USP28: variants seen among roughly 807,000 people sequenced by gnomAD.
USP28 encodes the protein ubiquitin carboxyl-terminal hydrolase 28.
In USP28, 113 loss-of-function variants were observed where a neutral mutation model predicts 145.0. The observed-to-expected ratio is 0.78, with a 90% CI of 0.67 to 0.91. USP28 has a LOEUF of 0.91. Among genes scored for constraint, USP28 ranks in the 40% least tolerant of loss-of-function variants. USP28 has a pLI of 0.00. For missense variants in USP28, 1,201 were observed against 1,289.6 expected, an observed-to-expected ratio of 0.93 and a Z score of 1.05; for synonymous variants, 447 against 450.9, an observed-to-expected ratio of 0.99 and a Z score of 0.11.
At chr11:113,801,561 CATT>C in exon 24 of USP28, 1 of 1,610,076 alleles carries the variant, frequency 6.2e-7, no homozygotes, top group Non-Finnish European at 8.5e-7. Context: ...TTGGAAATGT[CATT>C]ATTAATGATA....
chr11:113,814,106 C>T, intron 14 of USP28, 151 bp from the exon 15 acceptor site: 2 of 560,180 alleles, frequency 3.6e-6, no homozygotes, highest in Non-Finnish European at 6.1e-6. Flanking sequence ...TTTAAAGCAG[C>T]TAGTACTTTA....
intron 1 of USP28, 136 bp downstream of exon 1, chr11:113,875,309 G>T: frequency 1.5e-6 from 1 of 646,914 alleles, no homozygotes; most frequent in Non-Finnish European, 2.0e-6. Context: ...TCTCACCCAC[G>T]CTGGCGGGCG....
intron 8 of USP28, among the ~76,000 whole-genome samples, chr11:113,831,595 T>C (rs1312052981): frequency 6.6e-6 from 1 of 152,202 alleles, no homozygotes; most frequent in Admixed American, 6.5e-5. Context: ...AGTACCCATA[T>C]TATACCATCA....
At chr11:113,825,638 T>A (rs955161377) in intron 11 of USP28, among the ~76,000 whole-genome samples, 1 of 152,126 alleles carries the variant, frequency 6.6e-6, no homozygotes, top group Non-Finnish European at 1.5e-5. Flanking sequence ...CATATTACAA[T>A]AGAATATTAC....
At chr11:113,827,150 T>C in intron 11 of USP28, 83 bp downstream of exon 11, 2 of 1,476,944 alleles carry the variant, frequency 1.4e-6, no homozygotes, top group Non-Finnish European at 1.8e-6. Flanking sequence ...TCCCAGGTGA[T>C]TCCTACGCAC....
chr11:113,875,333 G>C (rs1428764296), intron 1 of USP28, 112 bp downstream of exon 1: 1 of 929,742 alleles, frequency 1.1e-6, no homozygotes, highest in Non-Finnish European at 1.3e-6. Flanking sequence ...CCCCTGTCCC[G>C]CCCGGCCGGG....
At chr11:113,864,146 C>A (rs564167590) in intron 1 of USP28, among the ~76,000 whole-genome samples, 2 of 151,842 alleles carry the variant, frequency 1.3e-5, no homozygotes, top group African/African-American at 4.8e-5. Flanking sequence ...GAGGCTGAGG[C>A]GGGAGAATCC....
At chr11:113,814,675 A>G (rs1397451576) in intron 14 of USP28, among the ~76,000 whole-genome samples, 13 of 152,154 alleles carry the variant, frequency 8.5e-5, no homozygotes. Flanking sequence ...AGATCTTTCC[A>G]TATCTGTATA....
chr11:113,803,084 C>A, intron 23 of USP28, 74 bp downstream of exon 24: 1 of 1,446,634 alleles, frequency 6.9e-7, no homozygotes, highest in Non-Finnish European at 9.2e-7. Context: ...GTTTTGAAAG[C>A]CATATATTTT....
At chr11:113,857,066 G>T (rs757621654) in intron 1 of USP28, among the ~76,000 whole-genome samples, 1 of 152,128 alleles carries the variant, frequency 6.6e-6, no homozygotes, top group African/African-American at 2.4e-5. Flanking sequence ...AACAAAGAAA[G>T]GAAAACTGCT....
intron 3 of USP28, among the ~76,000 whole-genome samples, chr11:113,844,745 T>C (rs1374220588): frequency 6.6e-6 from 1 of 150,840 alleles, no homozygotes; most frequent in Non-Finnish European, 1.5e-5. Context: ...AAAAATAATA[T>C]TAATAATAAA....
intron 1 of USP28, among the ~76,000 whole-genome samples, chr11:113,869,604 G>GAC (rs1948621474): frequency 6.6e-6 from 1 of 151,942 alleles, no homozygotes; most frequent in Non-Finnish European, 1.5e-5. Flanking sequence ...AAACAAACAA[G>GAC]ACATCTCAGT....
At chr11:113,803,195 T>C in exon 23 of USP28, 1 of 1,614,106 alleles carries the variant, frequency 6.2e-7, no homozygotes, top group Non-Finnish European at 8.5e-7. Flanking sequence ...AATCACGGAT[T>C]CTTTGACCCC....
intron 2 of USP28, among the ~76,000 whole-genome samples, chr11:113,854,052 T>C (rs1165669778): frequency 1.3e-5 from 2 of 152,168 alleles, no homozygotes; most frequent in African/African-American, 4.8e-5. Context: ...AAATCTCTTT[T>C]ATACCCTGCA....
chr11:113,798,444 G>T (rs1201322788), exon 25 of USP28: 1 of 151,930 alleles, frequency 6.6e-6, no homozygotes, highest in Non-Finnish European at 1.5e-5. Flanking sequence ...AAGAGGAGGT[G>T]GACCTAAATG....
chr11:113,871,652 C>A (rs574185569), intron 1 of USP28, among the ~76,000 whole-genome samples: 1 of 152,176 alleles, frequency 6.6e-6, no homozygotes, highest in East Asian at 1.9e-4. Flanking sequence ...AGGAAGGGAA[C>A]CTTTTCCACT....
chr11:113,807,023 G>A (rs1267992140), intron 18 of USP28, among the ~76,000 whole-genome samples: 1 of 151,726 alleles, frequency 6.6e-6, no homozygotes, highest in Non-Finnish European at 1.5e-5. Context: ...AAATAGTCTG[G>A]AAACTAGCGA....
At chr11:113,871,948 T>C (rs1948863066) in intron 1 of USP28, among the ~76,000 whole-genome samples, 1 of 152,156 alleles carries the variant, frequency 6.6e-6, no homozygotes, top group Admixed American at 6.5e-5. Context: ...CAATTCCAAC[T>C]GTACCATATC....
chr11:113,874,930 A>AC, intron 1 of USP28: 1 of 947,352 alleles, frequency 1.1e-6, no homozygotes, highest in Non-Finnish European at 1.3e-6. Flanking sequence ...TTGTTTTTAA[A>AC]GCCGGGTTGG....
Sources: allele counts gnomAD v4.1 joint callset (sites outside exome capture counted in the v4.1 genomes callset), GRCh38; gene constraint gnomAD v4.1.1; transcripts MANE v1.5; gene names NCBI Gene and HGNC (gene_info 2026-07-23, HGNC 2026-07-21).